Variants in TNS3 observed in about 807,000 individuals in gnomAD.
The protein encoded by TNS3 is tensin-3.
A neutral mutation model predicts 140.9 loss-of-function variants in TNS3; 45 were observed. The ratio of observed to expected loss-of-function variants is 0.32; its 90% CI spans 0.25 to 0.41. TNS3 has a LOEUF of 0.41. Ranked by LOEUF, TNS3 falls within the 10% of genes least tolerant of loss-of-function variation. The pLI is 1.00. For missense variants in TNS3, 1,716 were observed against 1,906.7 expected (o/e 0.90, Z 1.86); for synonymous variants, 815 against 788.4 (o/e 1.03, Z -0.56).
Position 47,580,395 on chromosome 7 carries a change from G to A in TNS3, c.-265+1656C>T, listed in dbSNP as rs190193917. On this transcript the variant is annotated intron_variant, in intron 1 of 30. Coordinates refer to ENST00000311160, the MANE Select transcript of TNS3 (RefSeq NM_022748.12). ...AATGCATGCAAAGCATTTAGCACAG[G>A]CAAACACTCAATCGGTATGCCTGTT... 6.2e-4 allele frequency among the ~76,000 whole-genome samples: 95 copies of A among 152,288 alleles called. 1 individual carries two copies. Among genetic ancestry groups the A allele is most frequent in the Middle Eastern group, 3.4e-3 (1 of 294 alleles).
chr7:47,370,263 G>A (rs1790980507), intron 16 of TNS3, among the ~76,000 whole-genome samples: 1 of 151,966 alleles, frequency 6.6e-6, no homozygotes, highest in African/African-American at 2.4e-5. Context: ...CTGGGCAAGA[G>A]AGCAAGACTC....
At chr7:47,492,045 T>TA (rs1445668282) in intron 3 of TNS3, among the ~76,000 whole-genome samples, 1 of 152,186 alleles carries the variant, frequency 6.6e-6, no homozygotes, top group African/African-American at 2.4e-5. Flanking sequence ...ACATACAAGT[T>TA]AAAATACCTG....
At chr7:47,400,546 C>T (rs1793094456) in intron 14 of TNS3, 88 bp from the exon 15 acceptor site, 5 of 1,361,862 alleles carry the variant, frequency 3.7e-6, no homozygotes, top group East Asian at 4.7e-5. Context: ...CCAACCAGTA[C>T]AGCACCACTC....
intron 3 of TNS3, among the ~76,000 whole-genome samples, chr7:47,489,129 A>G (rs182638767): frequency 6.6e-6 from 1 of 152,154 alleles, no homozygotes; most frequent in Non-Finnish European, 1.5e-5. Flanking sequence ...TCAAAGCCCA[A>G]TTTAGCCTGC....
At chr7:47,447,245 CAT>C (rs1491570226) in intron 4 of TNS3, among the ~76,000 whole-genome samples, 3 of 127,104 alleles carry the variant, frequency 2.4e-5, no homozygotes, top group Admixed American at 2.4e-4. Context: ...TCTGGTTCCA[CAT>C]ATGTTTGTTT....
intron 17 of TNS3, among the ~76,000 whole-genome samples, chr7:47,347,681 A>T (rs1307323398): frequency 6.6e-6 from 1 of 152,056 alleles, no homozygotes; most frequent in Non-Finnish European, 1.5e-5. Context: ...ATCCAAACAC[A>T]GGTCCTTCCA....
chr7:47,533,366 G>A (rs1799484543), intron 1 of TNS3, among the ~76,000 whole-genome samples: 1 of 150,180 alleles, frequency 6.7e-6, no homozygotes, highest in Non-Finnish European at 1.5e-5. Context: ...TCCTGACCTC[G>A]TGATCCATCC....
rs539128526 is a variant in TNS3, at chr7:47,391,601, A to G, written c.1024+5199T>C. Among the ~76,000 whole-genome samples, 4 of 152,374 alleles carry G rather than the reference A, an allele frequency of 2.6e-5. No individual in the cohort carries two copies. In the South Asian group the frequency reaches 6.2e-4, roughly 24 times the overall value. The stretch of plus-strand genomic sequence containing the variant: ...ACGCTCCAGAGATGTCCAGCGAGGA[A>G]AATGAGATGTTCTCCATAGGGCTCA... On this transcript the variant is annotated intron_variant, in intron 16 of 30. Coordinates refer to ENST00000311160, the MANE Select transcript of TNS3 (RefSeq NM_022748.12).
intron 10 of TNS3, among the ~76,000 whole-genome samples, 153 bp from the exon 11 acceptor site, chr7:47,415,359 C>T (rs1047461739): frequency 3.9e-5 from 6 of 152,166 alleles, no homozygotes; most frequent in Non-Finnish European, 7.3e-5. Flanking sequence ...CATGGTGCTG[C>T]GCTTACAGGT....
At chr7:47,498,383 C>T (rs773740623) in intron 3 of TNS3, among the ~76,000 whole-genome samples, 11 of 152,342 alleles carry the variant, frequency 7.2e-5, no homozygotes, top group South Asian at 2.1e-4. Context: ...CCTCCGGCTG[C>T]ACCTTCTAGC....
At chr7:47,463,082 C>T (rs1796555470) in intron 4 of TNS3, among the ~76,000 whole-genome samples, 3 of 152,152 alleles carry the variant, frequency 2.0e-5, no homozygotes, top group South Asian at 2.1e-4. Flanking sequence ...ACTGAGCTTC[C>T]GTCTCTAGGA....
intron 1 of TNS3, among the ~76,000 whole-genome samples, chr7:47,544,892 C>T (rs1799879365): frequency 6.6e-6 from 1 of 151,862 alleles, no homozygotes; most frequent in Admixed American, 6.6e-5. Context: ...CTTTTCCACT[C>T]CTTGCCAAGC....
intron 13 of TNS3, among the ~76,000 whole-genome samples, chr7:47,410,723 A>T (rs1045615447): frequency 1.1e-4 from 16 of 152,224 alleles, no homozygotes; most frequent in African/African-American, 3.9e-4. Flanking sequence ...TACAATGAAA[A>T]GCTATTTCTC....
chr7:47,393,763 T>C (rs1187878492), intron 16 of TNS3, among the ~76,000 whole-genome samples: 1 of 152,122 alleles, frequency 6.6e-6, no homozygotes, highest in Non-Finnish European at 1.5e-5. Context: ...GGCTGCAAAG[T>C]GTACCTGGCT....
At chr7:47,457,142 A>G (rs1435127930) in intron 4 of TNS3, among the ~76,000 whole-genome samples, 48 of 5,060 alleles carry the variant, frequency 9.5e-3, no homozygotes, top group South Asian at 0.012. Context: ...GGAGGAGGGG[A>G]GGGGAGGGGA....
chr7:47,444,103 AATCTCATT>A (rs1461114653), intron 4 of TNS3, among the ~76,000 whole-genome samples: 1 of 152,240 alleles, frequency 6.6e-6, no homozygotes, highest in Non-Finnish European at 1.5e-5. Context: ...TAATAGAGCC[AATCTCATT>A]ATGGGGAAAC....
In TNS3 at chr7:47,339,388, T is replaced by C. The variant is rs918679515; in HGVS notation, c.2650+5367A>G. Among the ~76,000 whole-genome samples, 75 of 152,332 alleles carry C rather than the reference T, an allele frequency of 4.9e-4. 2 individuals are homozygous for C. The highest frequency in any genetic ancestry group is 1.8e-3 in the African/African-American group (73 of 41,574). On this transcript the variant is annotated intron_variant, in intron 20 of 30. Coordinates refer to ENST00000311160, the MANE Select transcript of TNS3 (RefSeq NM_022748.12). The stretch of plus-strand genomic sequence containing the variant: ...TTTTGTATAAAGTGTGAGCCTTTGG[T>C]GGCTGTTCATTGTTTTGCCTGTGGG...
At chr7:47,286,741 T>TA (rs1221874570) in intron 27 of TNS3, among the ~76,000 whole-genome samples, 3 of 152,190 alleles carry the variant, frequency 2.0e-5, no homozygotes, top group Non-Finnish European at 2.9e-5. Flanking sequence ...TCTGTGGTAT[T>TA]AAAAATTAGA....
intron 20 of TNS3, among the ~76,000 whole-genome samples, chr7:47,333,918 G>A (rs1788477692): frequency 6.6e-6 from 1 of 152,248 alleles, no homozygotes; most frequent in Non-Finnish European, 1.5e-5. Flanking sequence ...CCAATACCAT[G>A]CATGGCACAC....
Sources: gnomAD v4.1 joint callset for allele counts (sites outside exome capture counted in the v4.1 genomes callset) on GRCh38, gnomAD v4.1.1 for gene constraint, MANE v1.5 for transcripts, NCBI Gene and HGNC (gene_info 2026-07-23, HGNC 2026-07-21) for gene names.